The following GALNT11 variants were observed in gnomAD, a reference collection of about 807,000 sequenced individuals.
GALNT11 encodes polypeptide N-acetylgalactosaminyltransferase 11.
GALNT11 carries 47 observed loss-of-function variants against 72.7 expected under a neutral mutation model. That is an observed-to-expected ratio of 0.65 (90% CI 0.51 to 0.82). GALNT11 has a LOEUF of 0.82. Ranked by LOEUF, GALNT11 falls within the 40% of genes least tolerant of loss-of-function variation. The pLI is 0.00. For missense variants in GALNT11, 677 were observed against 778.4 expected (o/e 0.87, Z 1.55); for synonymous variants, 270 against 286.6 (o/e 0.94, Z 0.58).
chr7:152,042,121 T>C (rs143321493), intron 1 of GALNT11, among the ~76,000 whole-genome samples: 73 of 152,366 alleles, frequency 4.8e-4, no homozygotes, highest in African/African-American at 1.3e-3. Flanking sequence ...GGCAACACTT[T>C]CCAGTGAAAA....
At position 152,031,963 on chromosome 7, in the gene GALNT11, T is replaced by C. The variant is rs371146686; in HGVS notation, c.-39+6079T>C. Among the ~76,000 whole-genome samples, 3 of 152,312 alleles carry C rather than the reference T, an allele frequency of 2.0e-5. No homozygotes were observed. In the East Asian group the frequency reaches 5.8e-4, roughly 29 times the overall value. ...AAGTCTTAGGGTGAGGATAAGCCAG[T>C]ATAGGCTGTATTCGTTCCTTGCCAA... On this transcript the variant is annotated intron_variant, in intron 1 of 11. Coordinates refer to ENST00000430044, the MANE Select transcript of GALNT11 (RefSeq NM_022087.4).
At chr7:152,038,379 A>C (rs1431735965) in intron 1 of GALNT11, among the ~76,000 whole-genome samples, 1 of 152,264 alleles carries the variant, frequency 6.6e-6, no homozygotes, top group Non-Finnish European at 1.5e-5. Context: ...GCTTACCTGC[A>C]GCATAAGTAT....
At position 152,113,353 on chromosome 7, in the gene GALNT11, A is replaced by C. The variant is rs2088448790; in HGVS notation, c.1188A>C (p.Thr396=). The change falls in exon 8 of 12, where the codon ACA becomes ACC. Residue 396 remains threonine, a synonymous_variant. Coordinates refer to ENST00000430044, the MANE Select transcript of GALNT11 (RefSeq NM_022087.4). The stretch of plus-strand genomic sequence containing the variant: ...CTCCCGAAGGCCAGGACACCATGAC[A>C]CACAACTCTTTGCGGCTGGCACATG... ...YGSPEGQDTM[T]HNSLRLAHVW... 5 of 1,614,102 alleles carry C rather than the reference A, an allele frequency of 3.1e-6. No homozygotes were observed. The East Asian group carries it at 6.7e-5, about 22-fold the overall frequency.
rs1009548038 is a variant in GALNT11 at position 152,099,530 on chromosome 7, GTTTTTTTTTTTTTTTTT to G, written c.296-1255_296-1239del. On this transcript the variant is annotated intron_variant, in intron 2 of 11. Transcript: ENST00000430044. ...GGGAATGCACCACCACTCCCGCCTA[GTTTTTTTTTTTTTTTTT>G]TTTTTTTTTTTTGTATTTTTAGTAG... Among the ~76,000 whole-genome samples the G allele has an allele frequency of 2.6e-4, 15 of 57,784 alleles. No homozygotes were observed. In the South Asian group the frequency reaches 7.8e-3, roughly 30 times the overall value. 37.9% of individuals were successfully genotyped at this position (57,784 alleles called of 152,430 possible). A position where few individuals can be genotyped will look rare whatever the true frequency, so the allele number is the denominator to read the frequency against.
intron 1 of GALNT11, among the ~76,000 whole-genome samples, chr7:152,084,870 C>T (rs2129026815): frequency 6.6e-6 from 1 of 152,262 alleles, no homozygotes; most frequent in African/African-American, 2.4e-5. Flanking sequence ...AGTGCTTACC[C>T]TACAGGCAAA....
At chr7:152,027,977 G>C (rs1044521895) in intron 1 of GALNT11, among the ~76,000 whole-genome samples, 3 of 152,096 alleles carry the variant, frequency 2.0e-5, no homozygotes, top group Non-Finnish European at 2.9e-5. Flanking sequence ...GGTCTTAAAG[G>C]TGGCATGTCG....
chr7:152,051,727 C>T (rs890641394), intron 1 of GALNT11, among the ~76,000 whole-genome samples: 3 of 151,848 alleles, frequency 2.0e-5, no homozygotes, highest in Admixed American at 1.3e-4. Flanking sequence ...GAGATCTACT[C>T]TGCCTAAGCA....
rs1342339638 is a variant in GALNT11, at chr7:152,094,219, A to G, written c.-9A>G. On this transcript the variant is annotated 5_prime_UTR_variant, in exon 2 of 12. An upstream open reading frame in the 5' UTR loses its in-frame stop. Transcript: ENST00000430044. The surrounding 1 kb of genome is among the most constrained non-coding windows in gnomAD (Gnocchi z 4.3). ...TTGACAATGGCCCTTCAGCTATGCT[A>G]GGTCTATAATGGGAAGTGTCACAGT... The G allele has an allele frequency of 4.4e-6, 7 of 1,580,614 alleles. No homozygotes were observed. The highest frequency in any genetic ancestry group is 6.0e-6 in the Non-Finnish European group (7 of 1,163,338).
chr7:152,113,541 C>G (rs1250733485), intron 8 of GALNT11, 143 bp downstream of exon 8: 4 of 887,952 alleles, frequency 4.5e-6, no homozygotes, highest in African/African-American at 1.7e-5. Context: ...CTAGTTTCCC[C>G]CCACCCCCTT....
chr7:152,026,164 A>G (rs896852557), intron 1 of GALNT11, among the ~76,000 whole-genome samples: 2 of 152,154 alleles, frequency 1.3e-5, no homozygotes, highest in Non-Finnish European at 2.9e-5. Context: ...ACGGAGGCAC[A>G]CCTGATCCTG....
intron 7 of GALNT11, among the ~76,000 whole-genome samples, chr7:152,111,416 A>G (rs1245455836): frequency 2.0e-5 from 3 of 152,278 alleles, no homozygotes; most frequent in African/African-American, 7.2e-5. Flanking sequence ...TAGCTTCCCA[A>G]GGTGTTAGGA....
chr7:152,044,254 G>A (rs1428195070), intron 1 of GALNT11, among the ~76,000 whole-genome samples: 1 of 152,206 alleles, frequency 6.6e-6, no homozygotes, highest in Admixed American at 6.5e-5. Context: ...GGAAATAAAG[G>A]GATGGGCCAA....
chr7:152,029,760 C>G (rs1378869119), intron 1 of GALNT11, among the ~76,000 whole-genome samples: 1 of 152,164 alleles, frequency 6.6e-6, no homozygotes, highest in Non-Finnish European at 1.5e-5. Flanking sequence ...TTTCCTTAAT[C>G]ACCCAGGAGG....
chr7:152,031,488 C>A (rs1188707882), intron 1 of GALNT11, among the ~76,000 whole-genome samples: 1 of 152,212 alleles, frequency 6.6e-6, no homozygotes, highest in Non-Finnish European at 1.5e-5. Flanking sequence ...CCCTTTGGCA[C>A]TTACTATGCC....
intron 1 of GALNT11, among the ~76,000 whole-genome samples, chr7:152,035,232 T>G (rs1436358344): frequency 6.6e-6 from 1 of 152,210 alleles, no homozygotes; most frequent in Admixed American, 6.5e-5. Context: ...GCAAAAATTA[T>G]GTCTTTCTAA....
intron 8 of GALNT11, among the ~76,000 whole-genome samples, chr7:152,114,562 CTTTT>C (rs56851473): frequency 3.5e-5 from 5 of 142,990 alleles, no homozygotes; most frequent in African/African-American, 1.3e-4. Context: ...GTTGTTTCCA[CTTTT>C]TTTTTTTTTT....
chr7:152,102,904 C>G (rs2087094901), intron 3 of GALNT11, among the ~76,000 whole-genome samples: 1 of 149,816 alleles, frequency 6.7e-6, no homozygotes, highest in Non-Finnish European at 1.5e-5. Context: ...TCGCTTGAAC[C>G]TGGGAGGCGG....
chr7:152,081,766 A>G lies in GALNT11; in HGVS notation c.-38-12424A>G, dbSNP rs142674303. Among the ~76,000 whole-genome samples the G allele has an allele frequency of 7.2e-5, 11 of 152,232 alleles. No individual in the cohort carries two copies. In the East Asian group the frequency reaches 9.7e-4, roughly 13 times the overall value. On this transcript the variant is annotated intron_variant, in intron 1 of 11. Coordinates refer to ENST00000430044, the MANE Select transcript of GALNT11 (RefSeq NM_022087.4). ...ATGGGGGATGCTAGAAACCAACCCA[A>G]TATTATGCTTTGTCTTTCCTCTTTT... is the stretch of plus-strand genomic sequence containing the variant.
rs34509284 is a variant in GALNT11 at position 152,106,676 on chromosome 7, C to CT, written c.712+1314dup. On this transcript the variant is annotated intron_variant, in intron 5 of 11. Coordinates refer to ENST00000430044, the MANE Select transcript of GALNT11 (RefSeq NM_022087.4). Reference sequence around the variant, plus strand: ...ACAATGCAAGTTTACTGTGAACTGACTTTTTTTTAGATAGCAATAGCTATT... The same window carrying CT: ...ACAATGCAAGTTTACTGTGAACTGACTTTTTTTTTAGATAGCAATAGCTATT... Among the ~76,000 whole-genome samples, 161 of 152,088 alleles carry CT rather than the reference C, an allele frequency of 1.1e-3. 2 individuals are homozygous for CT. The highest frequency in any genetic ancestry group is 3.7e-3 in the African/African-American group (155 of 41,502).
Sources: allele counts gnomAD v4.1 joint callset (sites outside exome capture counted in the v4.1 genomes callset), GRCh38; gene constraint gnomAD v4.1.1; non-coding constraint Gnocchi (gnomAD v3.1); transcripts MANE v1.5; gene names NCBI Gene and HGNC (gene_info 2026-07-23, HGNC 2026-07-21).